The following PAQR5 variants were observed in gnomAD, a reference collection of about 807,000 sequenced individuals.
The protein encoded by PAQR5 is progestin and adipoQ receptor family member 5.
PAQR5 carries 20 observed loss-of-function variants against 34.5 expected under a neutral mutation model. The observed-to-expected ratio is 0.58, with a 90% CI of 0.41 to 0.84. PAQR5 has a LOEUF of 0.84. PAQR5 is among the 40% of genes least tolerant of loss of function. The pLI, the probability that PAQR5 is intolerant of heterozygous loss-of-function variation, is 0.00. For synonymous variants in PAQR5, 131 were observed against 155.6 expected (o/e 0.84, Z 1.18); for missense variants, 378 against 412.7 (o/e 0.92, Z 0.73).
At chr15:69,397,647 C>G in intron 7 of PAQR5, 83 bp downstream of exon 7, 1 of 924,986 alleles carries the variant, frequency 1.1e-6, no homozygotes, top group Admixed American at 1.7e-5. Context: ...GGGGTCACAG[C>G]ACTGCAATGG....
At chr15:69,310,202 C>G (rs1388274852) in intron 1 of PAQR5, among the ~76,000 whole-genome samples, 1 of 152,200 alleles carries the variant, frequency 6.6e-6, no homozygotes, top group Non-Finnish European at 1.5e-5. Flanking sequence ...TGATTTCCCA[C>G]AGAATCCCCT....
rs749322753 is a variant in PAQR5, at chr15:69,379,903, C to A, written c.72C>A (p.Ile24=). The A allele has an allele frequency of 3.1e-6, 5 of 1,614,094 alleles. 1 individual carries two copies. The South Asian group carries it at 5.5e-5, about 18-fold the overall frequency. ...QIPQVFHEQG[I]LFGYRHPQSS... ...TGCAGGTGTTCCATGAGCAAGGCATCCTGTTCGGCTACCGCCATCCACAGA... is the reference window on the plus strand; with the variant it reads ...TGCAGGTGTTCCATGAGCAAGGCATACTGTTCGGCTACCGCCATCCACAGA... The change falls in exon 4 of 9, where the codon ATC becomes ATA. Residue 24 remains isoleucine (I), a synonymous_variant. Coordinates refer to ENST00000395407, the MANE Select transcript of PAQR5 (RefSeq NM_017705.4).
intron 1 of PAQR5, among the ~76,000 whole-genome samples, chr15:69,335,910 A>G (rs558471438): frequency 2.0e-5 from 3 of 152,346 alleles, no homozygotes; most frequent in African/African-American, 7.2e-5. Flanking sequence ...AACTAGCTTT[A>G]ACATTAAAGA....
chr15:69,359,818 T>C, intron 2 of PAQR5, 148 bp from the exon 3 acceptor site: 1 of 436,260 alleles, frequency 2.3e-6, no homozygotes, highest in Non-Finnish European at 4.1e-6. Flanking sequence ...GACTCAGCAG[T>C]CTGATCATTT....
chr15:69,363,088 A>G (rs914674930), intron 3 of PAQR5, among the ~76,000 whole-genome samples: 23 of 152,180 alleles, frequency 1.5e-4, no homozygotes, highest in African/African-American at 5.3e-4. Context: ...TGCTCTGTAC[A>G]GCTGCCTCTC....
At chr15:69,300,145 TCCCCA>T (rs1418318731) in intron 1 of PAQR5, among the ~76,000 whole-genome samples, 1 of 151,702 alleles carries the variant, frequency 6.6e-6, no homozygotes, top group Non-Finnish European at 1.5e-5. Context: ...TTTACCCCAC[TCCCCA>T]CCCCCCTAGG....
chr15:69,383,707 A>G (rs1341385668), intron 4 of PAQR5, among the ~76,000 whole-genome samples: 2 of 88,218 alleles, frequency 2.3e-5, no homozygotes, highest in African/African-American at 9.7e-5. Flanking sequence ...CTCTGTGCTC[A>G]TGGTGGAGGG....
intron 3 of PAQR5, among the ~76,000 whole-genome samples, chr15:69,372,073 A>G (rs2055577720): frequency 6.6e-6 from 1 of 152,244 alleles, no homozygotes; most frequent in African/African-American, 2.4e-5. Context: ...AGAGAATGTC[A>G]TACATAATCT....
At chr15:69,387,787 T>C (rs1445017410) in intron 5 of PAQR5, among the ~76,000 whole-genome samples, 1 of 152,138 alleles carries the variant, frequency 6.6e-6, no homozygotes, top group Non-Finnish European at 1.5e-5. Flanking sequence ...ATGGTCTCCC[T>C]TCTCTGTATC....
intron 6 of PAQR5, chr15:69,391,706 TACC>T (rs1322576504): frequency 8.8e-6 from 4 of 455,492 alleles, no homozygotes; most frequent in Admixed American, 7.1e-5. Flanking sequence ...ACAGGGAGAG[TACC>T]ACAGGTTGAG....
At chr15:69,383,662 G>T (rs1287483778) in intron 4 of PAQR5, among the ~76,000 whole-genome samples, 2 of 113,368 alleles carry the variant, frequency 1.8e-5, no homozygotes, top group Admixed American at 8.1e-5. Flanking sequence ...GAGGGTGAGC[G>T]GGCCCTCTGT....
chr15:69,350,667 T>TCACACACA lies in PAQR5; in HGVS notation c.-115-9286_-115-9279dup, dbSNP rs61320862. ...CAAAAAAATAAAAAAAATTAAAAAA[T>TCACACACA]CACACACACACACACACACAAAACA... On this transcript the variant is annotated intron_variant, in intron 2 of 8. Transcript: ENST00000395407. Among the ~76,000 whole-genome samples the TCACACACA allele has an allele frequency of 1.7e-3, 255 of 148,828 alleles. 1 individual carries two copies. Among genetic ancestry groups the TCACACACA allele is most frequent in the African/African-American group, 5.9e-3 (239 of 40,626 alleles).
At chr15:69,334,751 C>T (rs942168091) in intron 1 of PAQR5, among the ~76,000 whole-genome samples, 8 of 149,366 alleles carry the variant, frequency 5.4e-5, no homozygotes, top group Non-Finnish European at 1.0e-4. Context: ...GATCAGAAGG[C>T]ATGGGAATAT....
chr15:69,327,403 T>C (rs1229875996), intron 1 of PAQR5, among the ~76,000 whole-genome samples: 2 of 152,094 alleles, frequency 1.3e-5, no homozygotes, highest in African/African-American at 4.8e-5. Context: ...TATTCAGCTC[T>C]TTCCCCCTCT....
At chr15:69,371,256 C>T (rs1479537366) in intron 3 of PAQR5, among the ~76,000 whole-genome samples, 3 of 152,112 alleles carry the variant, frequency 2.0e-5, no homozygotes, top group East Asian at 1.9e-4. Context: ...CTTAAGTCCA[C>T]ATTTTGAATC....
At chr15:69,342,757 G>C (rs1369077640) in intron 2 of PAQR5, among the ~76,000 whole-genome samples, 2 of 152,160 alleles carry the variant, frequency 1.3e-5, no homozygotes, top group Non-Finnish European at 2.9e-5. Flanking sequence ...AGGAGCCCCA[G>C]GGGAGGGAGA....
chr15:69,355,781 C>CT (rs1252723177), intron 2 of PAQR5, among the ~76,000 whole-genome samples: 3 of 151,876 alleles, frequency 2.0e-5, no homozygotes, highest in Admixed American at 2.0e-4. Context: ...TCTTATTCAT[C>CT]TTTTTTCCCC....
chr15:69,376,981 TCCTGCAGCCCTACCCAGCCTTCTC>T (rs1217445804), intron 3 of PAQR5, among the ~76,000 whole-genome samples: 1 of 152,168 alleles, frequency 6.6e-6, no homozygotes. Flanking sequence ...GTCTGTGCTC[TCCTGCAGCCCTACCCAGCCTTCTC>T]CCTGCAGGTC....
chr15:69,326,232 C>A (rs539205441), intron 1 of PAQR5, among the ~76,000 whole-genome samples: 1 of 152,110 alleles, frequency 6.6e-6, no homozygotes, highest in Non-Finnish European at 1.5e-5. Context: ...ATCACCAGGG[C>A]TCCAAACTCC....
Sources: gnomAD v4.1 joint callset for allele counts (sites outside exome capture counted in the v4.1 genomes callset) on GRCh38, gnomAD v4.1.1 for gene constraint, MANE v1.5 for transcripts, NCBI Gene and HGNC (gene_info 2026-07-23, HGNC 2026-07-21) for gene names.